Variants in NIBAN1 observed in about 807,000 individuals in gnomAD.
NIBAN1 encodes niban apoptosis regulator 1.
NIBAN1 carries 81 observed loss-of-function variants against 75.1 expected under a neutral mutation model. That is an observed-to-expected ratio of 1.08 (90% CI 0.90 to 1.30). The LOEUF is 1.30. Ranked by LOEUF, NIBAN1 falls within the 50% of genes most tolerant of loss-of-function variation. The pLI is 0.00. For synonymous variants in NIBAN1, 436 were observed against 424.8 expected, an observed-to-expected ratio of 1.03 and a Z score of -0.32; for missense variants, 1,133 against 1,128.1, an observed-to-expected ratio of 1.00 and a Z score of -0.06.
chr1:184,890,279 A>C (rs1352167212), intron 3 of NIBAN1, 57 bp from the exon 4 acceptor site: 1 of 1,187,178 alleles, frequency 8.4e-7, no homozygotes, highest in Non-Finnish European at 1.3e-6. Context: ...ATTTTTGGAA[A>C]ATATCAGGGA....
intron 1 of NIBAN1, among the ~76,000 whole-genome samples, chr1:184,940,703 A>T (rs1482303365): frequency 6.6e-6 from 1 of 152,166 alleles, no homozygotes; most frequent in African/African-American, 2.4e-5. Flanking sequence ...AGTCAAGCAA[A>T]CCACTTGCAT....
At chr1:184,828,321 C>A (rs985354289) in intron 6 of NIBAN1, among the ~76,000 whole-genome samples, 23 of 152,186 alleles carry the variant, frequency 1.5e-4, no homozygotes, top group Admixed American at 1.0e-3. Flanking sequence ...AGTCTGAATG[C>A]AGGCCCCTAG....
intron 3 of NIBAN1, among the ~76,000 whole-genome samples, chr1:184,892,885 C>A (rs1257110826): frequency 6.6e-6 from 1 of 152,146 alleles, no homozygotes; most frequent in Non-Finnish European, 1.5e-5. Context: ...GATTCTCCTG[C>A]CTCACCCTCT....
chr1:184,834,117 T>C (rs1655074810), intron 5 of NIBAN1, among the ~76,000 whole-genome samples: 1 of 152,120 alleles, frequency 6.6e-6, no homozygotes, highest in Non-Finnish European at 1.5e-5. Flanking sequence ...TGTTTGGTTT[T>C]CTGTCCTTGT....
At chr1:184,832,797 G>A (rs1389666327) in intron 5 of NIBAN1, among the ~76,000 whole-genome samples, 1 of 152,190 alleles carries the variant, frequency 6.6e-6, no homozygotes, top group Non-Finnish European at 1.5e-5. Flanking sequence ...AACTTAAGGT[G>A]TATAGAGGGA....
At chr1:184,808,007 T>TG in intron 10 of NIBAN1, 67 bp downstream of exon 10, 10 of 1,574,470 alleles carry the variant, frequency 6.4e-6, no homozygotes, top group Non-Finnish European at 8.7e-6. Flanking sequence ...CTGGTCTCAC[T>TG]GGCCAGCACC....
chr1:184,823,144 G>C (rs745387482), intron 8 of NIBAN1, 23 bp downstream of exon 8: 1 of 1,611,728 alleles, frequency 6.2e-7, no homozygotes, highest in Non-Finnish European at 8.5e-7. Context: ...TAATTAGTAA[G>C]AGCATGGATT....
At chr1:184,830,416 A>C (rs932603073) in intron 6 of NIBAN1, among the ~76,000 whole-genome samples, 1 of 152,222 alleles carries the variant, frequency 6.6e-6, no homozygotes, top group Non-Finnish European at 1.5e-5. Context: ...AAAATATCAG[A>C]AACCAAGACT....
intron 1 of NIBAN1, among the ~76,000 whole-genome samples, chr1:184,962,370 T>C (rs1026727818): frequency 2.6e-5 from 4 of 152,184 alleles, no homozygotes; most frequent in African/African-American, 9.7e-5. Flanking sequence ...TATTTAATTC[T>C]ATCATTGCCT....
At chr1:184,890,287 G>A in intron 3 of NIBAN1, 65 bp from the exon 4 acceptor site, 1 of 1,108,408 alleles carries the variant, frequency 9.0e-7, no homozygotes, top group South Asian at 1.3e-5. Flanking sequence ...AAAATATCAG[G>A]GATATAACAA....
intron 5 of NIBAN1, among the ~76,000 whole-genome samples, chr1:184,838,536 C>T (rs1655199537): frequency 6.6e-6 from 1 of 152,194 alleles, no homozygotes; most frequent in African/African-American, 2.4e-5. Context: ...TCTTTAGTCT[C>T]TCTCTACTTC....
intron 1 of NIBAN1, among the ~76,000 whole-genome samples, chr1:184,968,699 G>T (rs1394210517): frequency 6.6e-6 from 1 of 152,194 alleles, no homozygotes; most frequent in Non-Finnish European, 1.5e-5. Context: ...GATGCTTTGG[G>T]CCGCACGTAA....
At chr1:184,937,187 A>G (rs1292178057) in intron 1 of NIBAN1, among the ~76,000 whole-genome samples, 1 of 94,554 alleles carries the variant, frequency 1.1e-5, no homozygotes, top group East Asian at 2.9e-4. Flanking sequence ...GGTTCTTGCT[A>G]TGTTGCCCAG....
chr1:184,820,084 T>C (rs1400503264), intron 8 of NIBAN1, among the ~76,000 whole-genome samples: 1 of 152,198 alleles, frequency 6.6e-6, no homozygotes, highest in Non-Finnish European at 1.5e-5. Flanking sequence ...AAAAAACCCT[T>C]TCAATTGTAT....
At chr1:184,805,824 G>C in intron 11 of NIBAN1, 122 bp downstream of exon 11, 1 of 730,680 alleles carries the variant, frequency 1.4e-6, no homozygotes, top group Middle Eastern at 2.5e-4. Flanking sequence ...CACTGGACTT[G>C]GGAGAGAAAG....
At chr1:184,962,630 A>C (rs1406740906) in intron 1 of NIBAN1, among the ~76,000 whole-genome samples, 3 of 152,188 alleles carry the variant, frequency 2.0e-5, no homozygotes, top group Non-Finnish European at 4.4e-5. Context: ...GATGAACCTA[A>C]AACATCTTGA....
intron 8 of NIBAN1, among the ~76,000 whole-genome samples, chr1:184,822,811 C>G (rs1203427989): frequency 1.3e-5 from 2 of 152,138 alleles, no homozygotes; most frequent in African/African-American, 4.8e-5. Flanking sequence ...TTGAGTAAAC[C>G]AGGGTGACAT....
intron 3 of NIBAN1, 120 bp downstream of exon 3, chr1:184,893,955 G>C: frequency 1.0e-6 from 1 of 996,874 alleles, no homozygotes. Context: ...CTCTATTTTT[G>C]TACCAGTACC....
intron 1 of NIBAN1, among the ~76,000 whole-genome samples, chr1:184,966,855 C>A (rs991302061): frequency 6.6e-6 from 1 of 152,104 alleles, no homozygotes; most frequent in African/African-American, 2.4e-5. Flanking sequence ...GACCATGGAC[C>A]TTTTAAAAGT....
Sources: allele counts gnomAD v4.1 joint callset (sites outside exome capture counted in the v4.1 genomes callset), GRCh38; gene constraint gnomAD v4.1.1; transcripts MANE v1.5; gene names NCBI Gene and HGNC (gene_info 2026-07-23, HGNC 2026-07-21).